CSMD3: variants seen among roughly 807,000 people sequenced by gnomAD.
The protein encoded by CSMD3 is CUB and Sushi multiple domains 3, also known as CUB and sushi domain-containing protein 3.
In CSMD3, 177 loss-of-function variants were observed where a neutral mutation model predicts 435.2. The observed-to-expected ratio is 0.41, with a 90% CI of 0.36 to 0.46. CSMD3 has a LOEUF of 0.46. Ranked by LOEUF, CSMD3 falls within the 20% of genes least tolerant of loss-of-function variation. The probability of loss-of-function intolerance (pLI) is 0.34; values close to 1 mark genes in which losing one functional copy is unlikely to be tolerated. For missense variants in CSMD3, 4,265 were observed against 4,504.6 expected, an observed-to-expected ratio of 0.95 and a Z score of 1.52; for synonymous variants, 1,656 against 1,520.5, an observed-to-expected ratio of 1.09 and a Z score of -2.07.
At chr8:112,908,905 G>A (rs1318180106) in intron 10 of CSMD3, among the ~76,000 whole-genome samples, 22 of 151,470 alleles carry the variant, frequency 1.5e-4, no homozygotes, top group Non-Finnish European at 7.4e-5. Context: ...ATAAACTTTA[G>A]CTAGAAGACA....
At chr8:112,849,195 T>C (rs1414867408) in intron 11 of CSMD3, among the ~76,000 whole-genome samples, 2 of 152,116 alleles carry the variant, frequency 1.3e-5, no homozygotes, top group Non-Finnish European at 2.9e-5. Flanking sequence ...TATTCTTCTA[T>C]GCCCAGTTAA....
At chr8:112,536,006 T>G (rs904506220) in intron 27 of CSMD3, among the ~76,000 whole-genome samples, 57 of 152,206 alleles carry the variant, frequency 3.7e-4, no homozygotes, top group Admixed American at 4.6e-4. Context: ...CCTTACACCT[T>G]ATACAAAAAT....
At chr8:112,401,833 C>T (rs943948605) in intron 35 of CSMD3, among the ~76,000 whole-genome samples, 23 of 152,222 alleles carry the variant, frequency 1.5e-4, no homozygotes, top group African/African-American at 5.1e-4. Flanking sequence ...AATGACAGTA[C>T]TCAATGCTTT....
chr8:113,286,187 C>T (rs2093645375), intron 2 of CSMD3, among the ~76,000 whole-genome samples: 1 of 152,072 alleles, frequency 6.6e-6, no homozygotes, highest in South Asian at 2.1e-4. Context: ...AAAAATCATG[C>T]ACTTAGAACA....
At chr8:112,801,527 T>G (rs866186504) in intron 12 of CSMD3, among the ~76,000 whole-genome samples, 3 of 152,048 alleles carry the variant, frequency 2.0e-5, no homozygotes, top group Non-Finnish European at 4.4e-5. Flanking sequence ...TCATGGAACT[T>G]CAGATTATCT....
At chr8:112,344,412 G>A (rs1235900574) in intron 41 of CSMD3, among the ~76,000 whole-genome samples, 1 of 152,124 alleles carries the variant, frequency 6.6e-6, no homozygotes, top group Admixed American at 6.5e-5. Context: ...GCAGTATCTG[G>A]AGTATAATAT....
chr8:112,527,597 T>C (rs750760344), intron 27 of CSMD3, among the ~76,000 whole-genome samples: 1 of 151,812 alleles, frequency 6.6e-6, no homozygotes, highest in African/African-American at 2.4e-5. Flanking sequence ...TCAAAAACAA[T>C]GGTAATATAC....
At chr8:112,688,770 G>A (rs538216342) in intron 14 of CSMD3, among the ~76,000 whole-genome samples, 1 of 151,952 alleles carries the variant, frequency 6.6e-6, no homozygotes, top group South Asian at 2.1e-4. Flanking sequence ...CATATATCAG[G>A]ATATCAGACC....
At chr8:113,332,741 T>C (rs150930152) in intron 1 of CSMD3, among the ~76,000 whole-genome samples, 4 of 151,858 alleles carry the variant, frequency 2.6e-5, no homozygotes, top group African/African-American at 7.2e-5. Flanking sequence ...CAAAATCGAA[T>C]GTGGCTATTT....
intron 2 of CSMD3, among the ~76,000 whole-genome samples, chr8:113,301,922 A>C (rs2093771921): frequency 6.6e-6 from 1 of 151,784 alleles, no homozygotes; most frequent in African/African-American, 2.4e-5. Context: ...TTTTAAGTGG[A>C]CCCTGATATA....
At chr8:113,165,100 A>G (rs562049376) in intron 4 of CSMD3, among the ~76,000 whole-genome samples, 34 of 152,262 alleles carry the variant, frequency 2.2e-4, no homozygotes, top group Non-Finnish European at 4.4e-4. Flanking sequence ...CTTATCATGC[A>G]TTGAACAGTC....
intron 22 of CSMD3, among the ~76,000 whole-genome samples, chr8:112,594,397 C>G (rs1189722039): frequency 1.3e-5 from 2 of 152,114 alleles, no homozygotes; most frequent in African/African-American, 4.8e-5. Context: ...ATTGCTAGCA[C>G]AGCAGTCTGA....
chr8:113,354,746 C>T (rs2094210702), intron 1 of CSMD3, among the ~76,000 whole-genome samples: 1 of 152,078 alleles, frequency 6.6e-6, no homozygotes, highest in African/African-American at 2.4e-5. Flanking sequence ...CTCAAGCCAT[C>T]CTCCCACCTC....
At chr8:113,266,601 C>T (rs2093473534) in intron 3 of CSMD3, among the ~76,000 whole-genome samples, 1 of 151,310 alleles carries the variant, frequency 6.6e-6, no homozygotes, top group Non-Finnish European at 1.5e-5. Context: ...TGAGATAATC[C>T]ATGTAAAATA....
chr8:112,500,881 G>A lies in CSMD3; in HGVS notation c.5083+2909C>T, dbSNP rs567931618. ...GTAAGGAGAAGACAATATAGCCCCT[G>A]CCAGGCAAAGCCTCCTTTTGCATAA... On this transcript the variant is annotated intron_variant, in intron 30 of 70. Transcript: ENST00000297405. 5.0e-3 allele frequency among the ~76,000 whole-genome samples: 647 copies of A among 130,366 alleles called. 1 individual carries two copies. The highest frequency in any genetic ancestry group is 8.2e-3 in the South Asian group (32 of 3,880). The allele number at this position is 130,366 out of a possible 152,430, so 85.5% of individuals were successfully genotyped here.
chr8:113,428,240 CT>C (rs1429942313), intron 1 of CSMD3, among the ~76,000 whole-genome samples: 19 of 150,878 alleles, frequency 1.3e-4, no homozygotes, highest in Admixed American at 1.3e-3. Context: ...ATCTATCTAT[CT>C]ATCTATCTAT....
intron 12 of CSMD3, among the ~76,000 whole-genome samples, chr8:112,827,160 CATAAATATATATATATATATATAT>C (rs1324709202): frequency 1.2e-3 from 45 of 38,708 alleles, no homozygotes; most frequent in Admixed American, 2.3e-3. Flanking sequence ...ACTAGGTTAC[CATAAATATATATATATATATATAT>C]ATATATATAT....
rs1252735185 is a variant in CSMD3 at position 112,982,332 on chromosome 8, G to A, written c.1031-6184C>T. 7.9e-5 allele frequency among the ~76,000 whole-genome samples: 12 copies of A among 151,920 alleles called. No homozygotes were observed. In the East Asian group the frequency reaches 2.3e-3, roughly 29 times the overall value. On this transcript the variant is annotated intron_variant, in intron 6 of 70. Coordinates refer to ENST00000297405, the MANE Select transcript of CSMD3 (RefSeq NM_198123.2). ...ACTGACAATAAATGTTGAAGACCTA[G>A]GTTTTAAAAGAAGAATCATGGCATC... is the stretch of plus-strand genomic sequence containing the variant.
At chr8:113,372,489 T>C (rs939650658) in intron 1 of CSMD3, among the ~76,000 whole-genome samples, 1 of 152,284 alleles carries the variant, frequency 6.6e-6, no homozygotes, top group East Asian at 1.9e-4. Flanking sequence ...CCTGAGTTTT[T>C]TATGTCCTGA....
Sources: gnomAD v4.1 joint callset for allele counts (sites outside exome capture counted in the v4.1 genomes callset) on GRCh38, gnomAD v4.1.1 for gene constraint, MANE v1.5 for transcripts, NCBI Gene and HGNC (gene_info 2026-07-23, HGNC 2026-07-21) for gene names.